Variants in SSR3 observed in about 807,000 individuals in gnomAD.
SSR3 encodes the protein signal sequence receptor subunit 3.
In SSR3, 10 loss-of-function variants were observed where a neutral mutation model predicts 22.1. That is an observed-to-expected ratio of 0.45 (90% CI 0.28 to 0.77). SSR3 has a LOEUF of 0.77. Ranked by LOEUF, SSR3 falls within the 30% of genes least tolerant of loss-of-function variation. SSR3 has a pLI of 0.13. For synonymous variants in SSR3, 104 were observed against 82.5 expected (o/e 1.26, Z -1.42); for missense variants, 181 against 220.5 (o/e 0.82, Z 1.13).
Position 156,555,113 on chromosome 3 carries a change from G to C in SSR3, c.-24C>G, listed in dbSNP as rs376402030. On this transcript the variant is annotated 5_prime_UTR_variant, in exon 1 of 5. Transcript: ENST00000265044. ...ATGGCGGAGCTGCAGGCGAGAACAGGGAACGTAGAGCCGGCCGCCAAGGCG... is the reference window on the plus strand; with the variant it reads ...ATGGCGGAGCTGCAGGCGAGAACAGCGAACGTAGAGCCGGCCGCCAAGGCG... The C allele has an allele frequency of 4.8e-5, 78 of 1,610,206 alleles. No individual in the cohort carries two copies. The highest frequency in any genetic ancestry group is 6.5e-5 in the Non-Finnish European group (77 of 1,178,834).
At chr3:156,547,331 C>T (rs1719802801) in intron 3 of SSR3, among the ~76,000 whole-genome samples, 1 of 152,142 alleles carries the variant, frequency 6.6e-6, no homozygotes, top group Admixed American at 6.5e-5. Flanking sequence ...AGAACAAGTG[C>T]CAGACCAAAT....
In SSR3 at chr3:156,539,787, G is replaced by GTGAC. The variant is rs1719357979; in HGVS notation, c.*3412_*3415dup. 1.3e-5 allele frequency among the ~76,000 whole-genome samples: 2 copies of GTGAC among 152,206 alleles called. No homozygotes were observed. The highest frequency in any genetic ancestry group is 4.8e-5 in the African/African-American group (2 of 41,448). On this transcript the variant is annotated 3_prime_UTR_variant, in exon 5 of 5. Coordinates refer to ENST00000265044, the MANE Select transcript of SSR3 (RefSeq NM_007107.5). ...TTCCATCCTGTCTCCAGAAGCAGCA[G>GTGAC]TGACTGGCATGCACACTGAAAACAA...
At chr3:156,545,366 GT>G (rs1360582950) in intron 3 of SSR3, among the ~76,000 whole-genome samples, 1 of 152,208 alleles carries the variant, frequency 6.6e-6, no homozygotes, top group Non-Finnish European at 1.5e-5. Flanking sequence ...CCACGTGTGA[GT>G]TTATCTGGTC....
chr3:156,547,087 G>A (rs1486995333), intron 3 of SSR3, among the ~76,000 whole-genome samples: 2 of 152,096 alleles, frequency 1.3e-5, no homozygotes, highest in Non-Finnish European at 1.5e-5. Context: ...TATCCCGTAT[G>A]GCTTTTATGG....
rs1375000161 is a variant in SSR3 at position 156,541,184 on chromosome 3, G to A, written c.*2019C>T. 1 of 152,174 alleles carries A rather than the reference G, an allele frequency of 6.6e-6. No individual in the cohort carries two copies. The highest frequency in any genetic ancestry group is 1.5e-5 in the Non-Finnish European group (1 of 68,032). The allele number at this position is 152,174 out of a possible 1,614,324, so 9.4% of individuals were successfully genotyped here. ...TTCACCACCTCATCTAAGCTACACT[G>A]TATTATACCAAGAATGGTGGCAATT... On this transcript the variant is annotated 3_prime_UTR_variant, in exon 5 of 5. Coordinates refer to ENST00000265044, the MANE Select transcript of SSR3 (RefSeq NM_007107.5).
intron 3 of SSR3, among the ~76,000 whole-genome samples, chr3:156,546,102 A>T (rs1719750924): frequency 2.0e-5 from 3 of 152,166 alleles, no homozygotes; most frequent in Admixed American, 2.0e-4. Context: ...CCCCACCCAA[A>T]TCTCATCTTG....
At chr3:156,547,207 G>A (rs550443540) in intron 3 of SSR3, among the ~76,000 whole-genome samples, 2 of 152,262 alleles carry the variant, frequency 1.3e-5, no homozygotes, top group Non-Finnish European at 2.9e-5. Flanking sequence ...ACCCCACTTT[G>A]AAATACCTAA....
At chr3:156,553,040 T>TAA (rs137859101) in intron 2 of SSR3, among the ~76,000 whole-genome samples, 3,466 of 136,546 alleles carry the variant, frequency 0.025, 76 homozygotes, top group Admixed American at 0.066. Context: ...GACAGAGAGT[T>TAA]AAAAAAAAAA....
chr3:156,546,887 A>G (rs1719784448), intron 3 of SSR3, among the ~76,000 whole-genome samples: 1 of 152,224 alleles, frequency 6.6e-6, no homozygotes, highest in South Asian at 2.1e-4. Flanking sequence ...AAGTACTTTT[A>G]AGCGGCATGG....
At chr3:156,543,365 C>T (rs1451041874) in intron 4 of SSR3, 96 bp from the exon 5 acceptor site, 4 of 867,340 alleles carry the variant, frequency 4.6e-6, no homozygotes, top group Admixed American at 2.2e-5. Flanking sequence ...CTGCTTCCTT[C>T]CTGACACTTG....
intron 1 of SSR3, 89 bp from the exon 2 acceptor site, chr3:156,553,870 G>T: frequency 7.4e-7 from 1 of 1,355,496 alleles, no homozygotes; most frequent in Non-Finnish European, 1.0e-6. Context: ...TTATAGCTAA[G>T]CCTGGTAAAA....
chr3:156,554,822 G>T, intron 1 of SSR3, 135 bp downstream of exon 1: 1 of 1,189,510 alleles, frequency 8.4e-7, no homozygotes, highest in Non-Finnish European at 1.2e-6. Context: ...GTGCCTCCCC[G>T]AGCTCAGGGG....
At chr3:156,552,599 G>A (rs577029041) in intron 2 of SSR3, among the ~76,000 whole-genome samples, 5 of 152,050 alleles carry the variant, frequency 3.3e-5, no homozygotes, top group African/African-American at 4.8e-5. Context: ...AAGTATGTTC[G>A]TACTAAGTCT....
rs546495942 is a variant in SSR3, at chr3:156,543,403, T to C, written c.492-134A>G. The C allele has an allele frequency of 1.9e-5, 11 of 580,518 alleles. No homozygotes were observed. In the South Asian group the frequency reaches 3.4e-4, roughly 18 times the overall value. The allele number at this position is 580,518 out of a possible 1,614,324, so 36.0% of individuals were successfully genotyped here. On this transcript the variant is annotated intron_variant, in intron 4 of 4. Coordinates refer to ENST00000265044, the MANE Select transcript of SSR3 (RefSeq NM_007107.5). ...GTAATCATAATGATGTGCAGCCCCATTGTCTGCAAACACAATTTGCAAGAC... is the reference window on the plus strand; with the variant it reads ...GTAATCATAATGATGTGCAGCCCCACTGTCTGCAAACACAATTTGCAAGAC...
chr3:156,544,170 T>A lies in SSR3; in HGVS notation c.491+138A>T, dbSNP rs956471129. The A allele has an allele frequency of 2.0e-5, 12 of 600,510 alleles. No homozygotes were observed. The African/African-American group carries it at 2.3e-4, about 12-fold the overall frequency. 37.2% of individuals were successfully genotyped at this position (600,510 alleles called of 1,614,324 possible). Reference sequence around the variant, plus strand: ...CTGTTATTTTAAATGTCCAGAAAGTTATCTAAAGTCAGCACTATTTAATGG... The same window carrying A: ...CTGTTATTTTAAATGTCCAGAAAGTAATCTAAAGTCAGCACTATTTAATGG... On this transcript the variant is annotated intron_variant, in intron 4 of 4. Coordinates refer to ENST00000265044, the MANE Select transcript of SSR3 (RefSeq NM_007107.5).
intron 2 of SSR3, 27 bp downstream of exon 2, chr3:156,553,628 G>T (rs200568145): frequency 3.1e-6 from 5 of 1,605,550 alleles, no homozygotes; most frequent in Non-Finnish European, 4.2e-6. Context: ...CATGTAGTAC[G>T]TACTTTCACT....
rs375015210 is a variant in SSR3, at chr3:156,555,094, G to T, written c.-5C>A. The T allele has an allele frequency of 6.2e-7, 1 of 1,613,044 alleles. No homozygotes were observed. Among genetic ancestry groups the T allele is most frequent in the Non-Finnish European group, 8.5e-7 (1 of 1,179,828 alleles). ...GGAGCTGCCTTTAGGAGCCATGGCG[G>T]AGCTGCAGGCGAGAACAGGGAACGT... is the stretch of plus-strand genomic sequence containing the variant. On this transcript the variant is annotated 5_prime_UTR_variant, in exon 1 of 5. Transcript: ENST00000265044.
At chr3:156,552,624 T>C (rs189165393) in intron 2 of SSR3, among the ~76,000 whole-genome samples, 1 of 152,274 alleles carries the variant, frequency 6.6e-6, no homozygotes, top group Non-Finnish European at 1.5e-5. Context: ...GAAATTCCAA[T>C]TGCCTTTTAA....
chr3:156,545,810 A>C (rs1719740011), intron 3 of SSR3, among the ~76,000 whole-genome samples: 1 of 152,190 alleles, frequency 6.6e-6, no homozygotes, highest in African/African-American at 2.4e-5. Flanking sequence ...AAAACACAAG[A>C]GTTGGAGTTC....
Sources: allele counts gnomAD v4.1 joint callset (sites outside exome capture counted in the v4.1 genomes callset), GRCh38; gene constraint gnomAD v4.1.1; transcripts MANE v1.5; gene names NCBI Gene and HGNC (gene_info 2026-07-23, HGNC 2026-07-21).